KIF16B: variants seen among roughly 807,000 people sequenced by gnomAD.
KIF16B encodes kinesin-like protein KIF16B.
In KIF16B, 98 loss-of-function variants were observed where a neutral mutation model predicts 156.3. That is an observed-to-expected ratio of 0.63 (90% CI 0.53 to 0.74). KIF16B has a LOEUF of 0.74. Among genes scored for constraint, KIF16B ranks in the 30% least tolerant of loss-of-function variants. The pLI is 0.00. For missense variants in KIF16B, 1,421 were observed against 1,606.5 expected, an observed-to-expected ratio of 0.88 and a Z score of 1.97; for synonymous variants, 564 against 583.7, an observed-to-expected ratio of 0.97 and a Z score of 0.49.
At chr20:16,491,864 G>A (rs926559180) in intron 12 of KIF16B, among the ~76,000 whole-genome samples, 6 of 152,286 alleles carry the variant, frequency 3.9e-5, no homozygotes, top group Middle Eastern at 3.4e-3. Flanking sequence ...GGAAGCCACC[G>A]ACTAGGTAGA....
chr20:16,329,429 T>TA (rs963589337), intron 24 of KIF16B, among the ~76,000 whole-genome samples: 5 of 152,162 alleles, frequency 3.3e-5, no homozygotes, highest in African/African-American at 1.2e-4. Context: ...TTACACTGAT[T>TA]TTAATAGAGT....
chr20:16,323,752 T>C (rs993495985), intron 24 of KIF16B, among the ~76,000 whole-genome samples: 1 of 151,884 alleles, frequency 6.6e-6, no homozygotes, highest in Non-Finnish European at 1.5e-5. Context: ...ACAGAATTCA[T>C]TGTTGGTGGT....
intron 4 of KIF16B, among the ~76,000 whole-genome samples, chr20:16,513,864 T>C (rs977668378): frequency 7.9e-5 from 12 of 152,092 alleles, no homozygotes; most frequent in African/African-American, 2.9e-4. Flanking sequence ...AAAATGATCT[T>C]GCTAGGAAAC....
intron 12 of KIF16B, among the ~76,000 whole-genome samples, chr20:16,448,168 G>A (rs942189344): frequency 6.6e-6 from 1 of 152,118 alleles, no homozygotes; most frequent in African/African-American, 2.4e-5. Flanking sequence ...CATCATCACA[G>A]CCATCTCCAC....
At chr20:16,378,208 T>C (rs536970560) in intron 19 of KIF16B, among the ~76,000 whole-genome samples, 11 of 151,654 alleles carry the variant, frequency 7.3e-5, no homozygotes, top group Non-Finnish European at 1.6e-4. Context: ...TGTGAAATCA[T>C]TAGTAAGAAA....
At chr20:16,380,268 C>A (rs143343598) in intron 18 of KIF16B, 105 bp from the exon 19 acceptor site, 237 of 1,001,368 alleles carry the variant, frequency 2.4e-4, no homozygotes, top group Non-Finnish European at 3.1e-4. Context: ...GTCAAAGCCT[C>A]CATTAAAATA....
chr20:16,374,278 A>G lies in KIF16B; in HGVS notation c.3329T>C (p.Leu1110Pro), dbSNP rs1298984821. Reference protein sequence around the residue: ...SLPVSAEKSHLVPLMDARINA... With the variant: ...SLPVSAEKSHPVPLMDARINA... ...GTACCTGGCATCCATGAGGGGAACC[A>G]GGTGTGATTTTTCAGCACTGACTGG... is the stretch of plus-strand genomic sequence containing the variant. Residue 1110 changes from leucine to proline, a missense_variant, in exon 20 of 26, where the codon CTG (leucine) becomes CCG (proline). Physicochemically the swap from Leu to Pro is moderately conservative, Grantham distance 98. Transcript: ENST00000354981. 2.5e-6 allele frequency: 4 copies of G among 1,595,796 alleles called. No individual in the cohort carries two copies. The highest frequency in any genetic ancestry group is 3.4e-6 in the Non-Finnish European group (4 of 1,169,352).
At chr20:16,548,854 T>C (rs1394739901) in intron 1 of KIF16B, among the ~76,000 whole-genome samples, 1 of 152,128 alleles carries the variant, frequency 6.6e-6, no homozygotes, top group Non-Finnish European at 1.5e-5. Flanking sequence ...GCAAGGCTGC[T>C]TGTGGCACAA....
At chr20:16,348,624 A>G (rs1438216614) in intron 23 of KIF16B, among the ~76,000 whole-genome samples, 1 of 152,202 alleles carries the variant, frequency 6.6e-6, no homozygotes, top group African/African-American at 2.4e-5. Flanking sequence ...AGAACATCCA[A>G]TTGTGCTATA....
rs201744231 is a variant in KIF16B at position 16,345,277 on chromosome 20, G to A, written c.3622-9262C>T. On this transcript the variant is annotated intron_variant, in intron 23 of 25. Coordinates refer to ENST00000354981, the MANE Select transcript of KIF16B (RefSeq NM_024704.5). ...TAGTTATTCATCTTTTCTGTTCCTT[G>A]GTATCCTGATGCTTCTACTATGGTC... Among the ~76,000 whole-genome samples, 6 of 152,154 alleles carry A rather than the reference G, an allele frequency of 3.9e-5. No homozygotes were observed. The East Asian group carries it at 9.7e-4, about 24-fold the overall frequency.
intron 23 of KIF16B, among the ~76,000 whole-genome samples, chr20:16,341,486 C>T (rs984860419): frequency 2.6e-5 from 4 of 152,108 alleles, no homozygotes; most frequent in South Asian, 2.1e-4. Context: ...GTATATAATA[C>T]GGTCTCAAAA....
At chr20:16,312,468 G>A (rs1427701657) in intron 24 of KIF16B, 50 bp from the exon 25 acceptor site, 2 of 1,272,706 alleles carry the variant, frequency 1.6e-6, no homozygotes, top group African/African-American at 2.9e-5. Context: ...CCTGTTAATT[G>A]TTGGGCTATT....
chr20:16,522,395 A>G (rs1285507059), intron 3 of KIF16B, among the ~76,000 whole-genome samples: 3 of 152,242 alleles, frequency 2.0e-5, no homozygotes, highest in African/African-American at 7.2e-5. Flanking sequence ...ACAGACTTTA[A>G]GCCAACAAAG....
chr20:16,381,664 G>A (rs765091090), intron 18 of KIF16B, 30 bp downstream of exon 18: 2 of 1,566,098 alleles, frequency 1.3e-6, no homozygotes, highest in Admixed American at 1.7e-5. Flanking sequence ...GACTACAGGA[G>A]TGTTGAAACT....
At chr20:16,561,993 A>T (rs1157619796) in intron 1 of KIF16B, among the ~76,000 whole-genome samples, 1 of 152,206 alleles carries the variant, frequency 6.6e-6, no homozygotes, top group African/African-American at 2.4e-5. Context: ...TTAGTGGGAA[A>T]ACTGGTGAAA....
chr20:16,433,686 G>A (rs965067017), intron 12 of KIF16B, among the ~76,000 whole-genome samples: 1 of 151,918 alleles, frequency 6.6e-6, no homozygotes, highest in African/African-American at 2.4e-5. Flanking sequence ...AAGTTTTCCA[G>A]GATTGCAAGT....
At chr20:16,549,303 A>G (rs899514668) in intron 1 of KIF16B, among the ~76,000 whole-genome samples, 2 of 150,598 alleles carry the variant, frequency 1.3e-5, no homozygotes, top group African/African-American at 4.9e-5. Flanking sequence ...TGGTTTTTCG[A>G]TCTTGCGATA....
intron 12 of KIF16B, among the ~76,000 whole-genome samples, chr20:16,448,553 C>G (rs2066995973): frequency 6.6e-6 from 1 of 152,128 alleles, no homozygotes; most frequent in Non-Finnish European, 1.5e-5. Flanking sequence ...CAGGCCACTC[C>G]TCAGCCAGGC....
chr20:16,551,664 T>C (rs1264208290), intron 1 of KIF16B, among the ~76,000 whole-genome samples: 2 of 152,214 alleles, frequency 1.3e-5, no homozygotes, highest in Non-Finnish European at 2.9e-5. Context: ...TACCACAGTT[T>C]GCAGACAGAA....
Sources: gnomAD v4.1 joint callset for allele counts (sites outside exome capture counted in the v4.1 genomes callset) on GRCh38, gnomAD v4.1.1 for gene constraint, MANE v1.5 for transcripts, NCBI Gene and HGNC (gene_info 2026-07-23, HGNC 2026-07-21) for gene names.